The following TEX15 variants were observed in gnomAD, a reference collection of about 807,000 sequenced individuals.
The protein encoded by TEX15 is testis-expressed protein 15.
Under a neutral mutation model 237.3 loss-of-function variants are expected in TEX15, and 171 were observed. The ratio of observed to expected loss-of-function variants is 0.72; its 90% CI spans 0.64 to 0.82. The LOEUF (loss-of-function observed/expected upper bound fraction) is 0.82. Among genes scored for constraint, TEX15 ranks in the 40% least tolerant of loss-of-function variants. The pLI, the probability that TEX15 is intolerant of heterozygous loss-of-function variation, is 0.00. For missense variants in TEX15, 3,750 were observed against 3,646.5 expected (o/e 1.03, Z -0.73); for synonymous variants, 1,338 against 1,269.8 (o/e 1.05, Z -1.14).
chr8:30,865,118 T>C (rs555181002), intron 5 of TEX15, among the ~76,000 whole-genome samples: 2 of 151,614 alleles, frequency 1.3e-5, no homozygotes, highest in East Asian at 3.9e-4. Flanking sequence ...ATAAATAAAA[T>C]CAGAAACTAA....
intron 1 of TEX15, among the ~76,000 whole-genome samples, chr8:30,901,532 T>C (rs896893544): frequency 1.3e-5 from 2 of 152,004 alleles, no homozygotes; most frequent in African/African-American, 4.8e-5. Context: ...TGAGAAAAAA[T>C]CCAGAAGAAA....
chr8:30,848,414 G>A lies in TEX15; in HGVS notation c.1753C>T (p.Gln585Ter), dbSNP rs1807682177. The change falls in exon 8 of 11, where the codon CAG becomes TAG. Residue 585 changes from glutamine to a stop codon, truncating the protein, a stop_gained. Coordinates refer to ENST00000643185, the MANE Select transcript of TEX15 (RefSeq NM_001350162.2). LOFTEE classifies it high-confidence loss of function. ...EYSSHIFQDS[Q>*]SSDLKTIYQT... ...TAAATTGTTTTTAAATCAGAAGACT[G>A]CGAGTCCTGAAAAATGTGACTACTG... 6.2e-7 allele frequency: 1 copy of A among 1,613,998 alleles called. No homozygotes were observed. The highest frequency in any genetic ancestry group is 8.5e-7 in the Non-Finnish European group (1 of 1,180,012).
chr8:30,876,564 G>C (rs931997769), intron 3 of TEX15, among the ~76,000 whole-genome samples: 1 of 152,038 alleles, frequency 6.6e-6, no homozygotes, highest in Non-Finnish European at 1.5e-5. Context: ...TTTTTGGTGA[G>C]GCCTGATGTA....
chr8:30,842,492 T>G lies in TEX15; in HGVS notation c.7675A>C (p.Lys2559Gln). 2 of 1,612,920 alleles carry G rather than the reference T, an allele frequency of 1.2e-6. No homozygotes were observed. Among genetic ancestry groups the G allele is most frequent in the Non-Finnish European group, 1.7e-6 (2 of 1,179,786 alleles). ...TCAATATATGTGGAAATAAAATACT[T>G]GGACTTCTTCAGAAGCTTTTTTATT... The part of the protein sequence containing the change: ...SEIKKLLKKS[K>Q]YFISTYIDFV... Residue 2559 changes from lysine (K) to glutamine (Q), a missense_variant, in exon 8 of 11, where the codon AAG becomes CAG. By Grantham distance (53) the Lys-to-Gln change is moderately conservative. Transcript: ENST00000643185.
chr8:30,857,129 C>T (rs1398377027), intron 7 of TEX15, among the ~76,000 whole-genome samples: 1 of 152,092 alleles, frequency 6.6e-6, no homozygotes, highest in Non-Finnish European at 1.5e-5. Context: ...AGTAAGAGAT[C>T]CCTGCAGCAC....
At chr8:30,911,742 T>C (rs944747906) in intron 1 of TEX15, among the ~76,000 whole-genome samples, 1 of 152,196 alleles carries the variant, frequency 6.6e-6, no homozygotes, top group Non-Finnish European at 1.5e-5. Context: ...CCCTGGGCAC[T>C]GTCTCCCGAC....
chr8:30,845,379 A>G lies in TEX15; in HGVS notation c.4788T>C (p.Asn1596=). Residue 1596 remains asparagine (N), a synonymous_variant, in exon 8 of 11, where the codon AAT becomes AAC. Coordinates refer to ENST00000643185, the MANE Select transcript of TEX15 (RefSeq NM_001350162.2). The part of the protein sequence containing the change: ...EKLEKHSANH[N]VKDATKENSC... ...TGTTTTCTTTAGTTGCATCTTTAAC[A>G]TTATGATTTGCTGAATGTTTTTCAA... is the stretch of plus-strand genomic sequence containing the variant. 1 of 1,611,562 alleles carries G rather than the reference A, an allele frequency of 6.2e-7. No homozygotes were observed. Among genetic ancestry groups the G allele is most frequent in the Non-Finnish European group, 8.5e-7 (1 of 1,178,392 alleles).
chr8:30,846,150 GA>G lies in TEX15; in HGVS notation c.4016del (p.Phe1339SerfsTer23). 6.2e-7 allele frequency: 1 copy of G among 1,613,506 alleles called. No homozygotes were observed. ...TAATTCGTCCTTGGGATAATGAAGA[GA>G]AACACTCAGATGAGTCTTGACTGGT... ...RLTSQDSSEC[F>X]SSLSQGRIKT... On this transcript the variant is annotated frameshift_variant, in exon 8 of 11. Transcript: ENST00000643185. LOFTEE classifies it high-confidence loss of function.
chr8:30,838,188 T>C, intron 9 of TEX15, 127 bp from the exon 10 acceptor site: 2 of 827,376 alleles, frequency 2.4e-6, no homozygotes, highest in Non-Finnish European at 1.8e-6. Flanking sequence ...TCCCATTCTA[T>C]TGGCACTATA....
Position 30,843,887 on chromosome 8 carries a change from C to G in TEX15, c.6280G>C (p.Glu2094Gln). Residue 2094 changes from glutamate (E) to glutamine (Q), a missense_variant, in exon 8 of 11, where the codon GAA becomes CAA. Glu to Gln is a conservative substitution (Grantham distance 29). Transcript: ENST00000643185. ...QFIENKKRHL[E>Q]GEPTLRSLLW... ...AAGCTTCGCAATGTTGGTTCACCTT[C>G]TAAGTGCCTTTTTTTGTTTTCAATG... 1 of 1,612,874 alleles carries G rather than the reference C, an allele frequency of 6.2e-7. No individual in the cohort carries two copies. Among genetic ancestry groups the G allele is most frequent in the Non-Finnish European group, 8.5e-7 (1 of 1,179,542 alleles).
Position 30,837,609 on chromosome 8 carries a change from G to A in TEX15, c.8675C>T (p.Ser2892Leu), listed in dbSNP as rs756693983. ...ETDVSLVPDA[S>L]VLSKPIFCFV... ...ACAGAAAATTGGCTTTGAGAGCACC[G>A]ACGCATCAGGCACAAGAGAAACATC... is the stretch of plus-strand genomic sequence containing the variant. The change falls in exon 10 of 11, where the codon TCG (serine) becomes TTG (leucine). Residue 2892 changes from serine (S) to leucine (L), a missense_variant. Transcript: ENST00000643185. 7 of 1,613,834 alleles carry A rather than the reference G, an allele frequency of 4.3e-6. No homozygotes were observed. The highest frequency in any genetic ancestry group is 2.7e-5 in the African/African-American group (2 of 74,916).
At chr8:30,881,249 A>C (rs561880298) in intron 3 of TEX15, among the ~76,000 whole-genome samples, 1 of 152,164 alleles carries the variant, frequency 6.6e-6, no homozygotes, top group South Asian at 2.1e-4. Context: ...TGGTAATATT[A>C]ATCTCATATT....
chr8:30,835,165 C>T (rs1283580503), intron 10 of TEX15, among the ~76,000 whole-genome samples: 1 of 151,842 alleles, frequency 6.6e-6, no homozygotes, highest in Non-Finnish European at 1.5e-5. Context: ...AGTGCAGTGG[C>T]GCGATCTCGG....
At chr8:30,858,519 C>G (rs1807963274) in intron 7 of TEX15, 149 bp downstream of exon 7, 5 of 589,248 alleles carry the variant, frequency 8.5e-6, no homozygotes, top group Non-Finnish European at 1.4e-5. Flanking sequence ...GCTATGTTGG[C>G]CAGGTTGGCC....
At chr8:30,859,853 T>C in intron 6 of TEX15, 58 bp downstream of exon 6, 13 of 1,271,866 alleles carry the variant, frequency 1.0e-5, no homozygotes, top group Non-Finnish European at 1.3e-5. Context: ...ATTTAAGTCT[T>C]AAAACATACA....
chr8:30,838,727 C>T (rs1355952774), intron 9 of TEX15, among the ~76,000 whole-genome samples: 1 of 144,988 alleles, frequency 6.9e-6, no homozygotes, highest in East Asian at 2.0e-4. Context: ...CATATATACA[C>T]ACACACATAC....
At chr8:30,870,163 T>C (rs1000468701) in intron 4 of TEX15, among the ~76,000 whole-genome samples, 1 of 151,964 alleles carries the variant, frequency 6.6e-6, no homozygotes, top group Admixed American at 6.6e-5. Context: ...ACTAATATTT[T>C]ATTAAATATT....
chr8:30,905,264 CAA>C (rs34972353), intron 1 of TEX15, among the ~76,000 whole-genome samples: 6,390 of 104,200 alleles, frequency 0.061, 183 homozygotes, highest in Non-Finnish European at 0.078. Context: ...AAAAAGACTT[CAA>C]AAAAAAAAAA....
chr8:30,888,386 C>A (rs1318913211), intron 2 of TEX15, among the ~76,000 whole-genome samples: 1 of 152,176 alleles, frequency 6.6e-6, no homozygotes, highest in African/African-American at 2.4e-5. Context: ...CGCTTATTGA[C>A]TACTGTTCCA....
Sources: gnomAD v4.1 joint callset for allele counts (sites outside exome capture counted in the v4.1 genomes callset) on GRCh38, gnomAD v4.1.1 for gene constraint, MANE v1.5 for transcripts, NCBI Gene and HGNC (gene_info 2026-07-23, HGNC 2026-07-21) for gene names.